Variants in CTDSP1 observed in about 807,000 individuals in gnomAD.
CTDSP1 encodes CTD small phosphatase 1.
Under a neutral mutation model 32.5 loss-of-function variants are expected in CTDSP1, and 15 were observed. That is an observed-to-expected ratio of 0.46 (90% CI 0.31 to 0.71). The LOEUF (loss-of-function observed/expected upper bound fraction) is 0.71. Ranked by LOEUF, CTDSP1 falls within the 30% of genes least tolerant of loss-of-function variation. The pLI is 0.05. For missense variants in CTDSP1, 294 were observed against 351.1 expected (o/e 0.84, Z 1.30); for synonymous variants, 185 against 145.4 (o/e 1.27, Z -1.96).
chr2:218,401,258 G>A, intron 1 of CTDSP1: 1 of 466,714 alleles, frequency 2.1e-6, no homozygotes, highest in South Asian at 2.1e-5. Context: ...CTGATCAGCA[G>A]CAGTCATGGA....
At chr2:218,396,574 G>T (rs1484977456), upstream of CTDSP1, 1 of 152,432 alleles carries the variant, frequency 6.6e-6, no homozygotes, top group African/African-American at 2.4e-5. Flanking sequence ...CGATGCGAGT[G>T]GGTCCCTCAA....
intron 2 of CTDSP1, 140 bp downstream of exon 2, chr2:218,401,852 G>A: frequency 1.2e-6 from 1 of 821,944 alleles, no homozygotes; most frequent in Non-Finnish European, 1.9e-6. Context: ...AGCCTCCCCT[G>A]CCAGGCCCTG....
chr2:218,397,752 C>T (rs1037890212), upstream of CTDSP1, among the ~76,000 whole-genome samples: 2 of 151,220 alleles, frequency 1.3e-5, no homozygotes, highest in Admixed American at 6.6e-5. Context: ...ACTCGAAGGA[C>T]CCCCCTCCCC....
At chr2:218,402,325 C>G in intron 3 of CTDSP1, 24 bp from the exon 4 acceptor site, 1 of 1,613,952 alleles carries the variant, frequency 6.2e-7, no homozygotes, top group Non-Finnish European at 8.5e-7. Context: ...TCCTCCAACT[C>G]CAGCAGCTCT....
upstream of CTDSP1, chr2:218,399,775 A>T: frequency 9.4e-7 from 1 of 1,060,288 alleles, no homozygotes; most frequent in Non-Finnish European, 1.1e-6. Context: ...CGCCGGTCCC[A>T]GAAGTGGCGA....
chr2:218,398,571 T>G, upstream of CTDSP1: 4 of 857,868 alleles, frequency 4.7e-6, no homozygotes, highest in Non-Finnish European at 6.6e-6. Flanking sequence ...TCCCCTCCCT[T>G]CCCCTCCCGG....
chr2:218,404,202 C>G (rs1210874539), intron 6 of CTDSP1, 95 bp from the exon 7 acceptor site: 6 of 1,472,534 alleles, frequency 4.1e-6, no homozygotes, highest in Admixed American at 2.0e-5. Flanking sequence ...TTTTCAGAAA[C>G]TGCATGATCT....
intron 6 of CTDSP1, chr2:218,403,676 A>G: frequency 2.5e-6 from 1 of 398,646 alleles, no homozygotes; most frequent in South Asian, 7.3e-5. Flanking sequence ...GGAAAGTTTC[A>G]ATTTTTCGAA....
chr2:218,398,471 G>A (rs1696934089), upstream of CTDSP1: 1 of 1,529,072 alleles, frequency 6.5e-7, no homozygotes, highest in Non-Finnish European at 8.7e-7. Context: ...ATCCAGCCCG[G>A]GGACCGGGGT....
In CTDSP1 at chr2:218,404,411, C is replaced by T. The variant is rs772433792; in HGVS notation, c.772C>T (p.Arg258Trp). The T allele has an allele frequency of 1.2e-5, 19 of 1,614,008 alleles. No homozygotes were observed. In the South Asian group the frequency reaches 1.5e-4, roughly 13 times the overall value. Residue 258 changes from arginine to tryptophan, a missense_variant, in exon 7 of 7, where the codon CGG becomes TGG. This residue lies in a region of CTDSP1 where 146 missense variants were observed against 237.7 expected (regional missense o/e 0.61). Coordinates refer to ENST00000273062, the MANE Select transcript of CTDSP1 (RefSeq NM_021198.3). ...DDVYSVLRQP[R>W]PGS The stretch of plus-strand genomic sequence containing the variant: ...CGTGTACTCAGTGCTCAGGCAGCCA[C>T]GGCCAGGGAGCTAGTGAGGGTGATG...
chr2:218,396,614 G>GACCTGGGCAAGCGCTGCAGAGGGT (rs1195346973), upstream of CTDSP1: 6 of 152,592 alleles, frequency 3.9e-5, no homozygotes, highest in African/African-American at 1.4e-4. Flanking sequence ...GGTCTGGTGC[G>GACCTGGGCAAGCGCTGCAGAGGGT]ACCTGGGCAA....
In CTDSP1 at chr2:218,404,686, G is replaced by A; in HGVS notation, c.*261G>A. The A allele has an allele frequency of 2.3e-6, 1 of 441,984 alleles. No homozygotes were observed. The highest frequency in any genetic ancestry group is 4.0e-6 in the Non-Finnish European group (1 of 247,612). The allele number at this position is 441,984 out of a possible 1,614,324, so 27.4% of individuals were successfully genotyped here. ...GGGGACCTGGGGGGCCCTGCCTGCT[G>A]CTCCCTTTTTCTGTCTCTGTCCATG... is the stretch of plus-strand genomic sequence containing the variant. On this transcript the variant is annotated 3_prime_UTR_variant, in exon 7 of 7. Transcript: ENST00000273062.
chr2:218,400,539 ACCCCCCACCCCCAC>A (rs1174162833), intron 1 of CTDSP1: 9 of 334,992 alleles, frequency 2.7e-5, no homozygotes, highest in African/African-American at 1.9e-4. Flanking sequence ...ACTCCGCCCC[ACCCCCCACCCCCAC>A]CCCCCCGGGC....
chr2:218,398,368 T>C, upstream of CTDSP1: 2 of 1,523,902 alleles, frequency 1.3e-6, no homozygotes, highest in Non-Finnish European at 1.8e-6. Flanking sequence ...AGAGCAGGCC[T>C]AGGAAAACGC....
Position 218,401,813 on chromosome 2 carries a change from A to C in CTDSP1, c.216+101A>C, listed in dbSNP as rs1286502994. The C allele has an allele frequency of 4.2e-6, 5 of 1,189,012 alleles. No homozygotes were observed. In the African/African-American group the frequency reaches 7.7e-5, roughly 18 times the overall value. The allele number at this position is 1,189,012 out of a possible 1,614,324, so 73.7% of individuals were successfully genotyped here. A position where few individuals can be genotyped will look rare whatever the true frequency, so the allele number is the denominator to read the frequency against. On this transcript the variant is annotated intron_variant, in intron 2 of 6. Coordinates refer to ENST00000273062, the MANE Select transcript of CTDSP1 (RefSeq NM_021198.3). ...TGAGCTTTTCAGGATGGACTTGCAG[A>C]CCTGAAAGGTGCAGAGTAGGAGGGT...
Position 218,399,896 on chromosome 2 carries a change from T to G in CTDSP1, c.-195T>G, listed in dbSNP as rs1033313215. ...TCCGCCTCGCGGGAAGGAAACTCCA[T>G]GTTGTAACAAAGTTTCCTCCGCGCC... On this transcript the variant is annotated 5_prime_UTR_variant, in exon 1 of 7. The change abolishes an upstream ATG in the 5' untranslated region. Transcript: ENST00000273062. The G allele has an allele frequency of 1.0e-4, 128 of 1,263,484 alleles. No homozygotes were observed. The highest frequency in any genetic ancestry group is 1.2e-4 in the Non-Finnish European group (122 of 1,005,016). 78.3% of individuals were successfully genotyped at this position (1,263,484 alleles called of 1,614,324 possible). A position where few individuals can be genotyped will look rare whatever the true frequency, so the allele number is the denominator to read the frequency against.
chr2:218,402,889 G>T, intron 4 of CTDSP1, 146 bp from the exon 5 acceptor site: 1 of 676,308 alleles, frequency 1.5e-6, no homozygotes, highest in Non-Finnish European at 2.7e-6. Flanking sequence ...TTCCCCAGCA[G>T]TGGTCAGGGT....
chr2:218,402,282 A>G, intron 3 of CTDSP1, 67 bp downstream of exon 3: 1 of 1,609,526 alleles, frequency 6.2e-7, no homozygotes, highest in Non-Finnish European at 8.5e-7. Context: ...CCTGGGAGGG[A>G]GGTGTGTGCT....
chr2:218,400,271 G>T (rs1169179270), intron 1 of CTDSP1, 114 bp downstream of exon 1: 2 of 943,018 alleles, frequency 2.1e-6, no homozygotes, highest in African/African-American at 1.7e-5. Context: ...CCTTAGCTGT[G>T]CCCGAAGCTC....
Sources: gnomAD v4.1 joint callset for allele counts (sites outside exome capture counted in the v4.1 genomes callset) on GRCh38, gnomAD v4.1.1 for gene constraint, gnomAD v4.1.1 regional missense constraint, MANE v1.5 for transcripts, NCBI Gene and HGNC (gene_info 2026-07-23, HGNC 2026-07-21) for gene names.